The following RNF150 variants were observed in gnomAD, a reference collection of about 807,000 sequenced individuals.
RNF150 encodes the protein ring finger protein 150.
In RNF150, 24 loss-of-function variants were observed where a neutral mutation model predicts 39.3. That is an observed-to-expected ratio of 0.61 (90% CI 0.44 to 0.86). The LOEUF (loss-of-function observed/expected upper bound fraction) is 0.86, where lower values mean the gene tolerates loss of function less well. RNF150 is among the 40% of genes least tolerant of loss of function. RNF150 has a pLI of 0.00. For missense variants in RNF150, 502 were observed against 587.8 expected, an observed-to-expected ratio of 0.85 and a Z score of 1.51; for synonymous variants, 255 against 227.3, an observed-to-expected ratio of 1.12 and a Z score of -1.10.
rs554577644 is a variant in RNF150 at position 140,859,924 on chromosome 4, C to A, written c.*8337G>T. The A allele has an allele frequency of 1.3e-5, 2 of 151,902 alleles. No homozygotes were observed. Among genetic ancestry groups the A allele is most frequent in the Non-Finnish European group, 2.9e-5 (2 of 67,992 alleles). 9.4% of individuals were successfully genotyped at this position (151,902 alleles called of 1,614,324 possible). A position where few individuals can be genotyped will look rare whatever the true frequency, so the allele number is the denominator to read the frequency against. ...TGCAATATTTTTTTTTTAGCCAGTA[C>A]GTAAGAACACGATTGCACTTATTTA... On this transcript the variant is annotated 3_prime_UTR_variant, in exon 7 of 7. Coordinates refer to ENST00000515673, the MANE Select transcript of RNF150 (RefSeq NM_020724.2).
chr4:141,012,543 A>G (rs1444344485), intron 1 of RNF150, among the ~76,000 whole-genome samples: 1 of 152,004 alleles, frequency 6.6e-6, no homozygotes, highest in Non-Finnish European at 1.5e-5. Flanking sequence ...CATGCCTGTA[A>G]TCCCTTTGGA....
chr4:140,936,471 T>C (rs1731867204), intron 4 of RNF150, among the ~76,000 whole-genome samples: 1 of 152,192 alleles, frequency 6.6e-6, no homozygotes, highest in Non-Finnish European at 1.5e-5. Flanking sequence ...AAAATAGTTT[T>C]TATAAACTAT....
intron 6 of RNF150, among the ~76,000 whole-genome samples, chr4:140,894,011 A>G (rs1402427410): frequency 6.6e-6 from 1 of 152,166 alleles, no homozygotes; most frequent in Non-Finnish European, 1.5e-5. Context: ...TATTTCCTCC[A>G]CAAGCTGAAG....
intron 1 of RNF150, among the ~76,000 whole-genome samples, chr4:141,103,119 C>T (rs1739072890): frequency 6.6e-6 from 1 of 152,146 alleles, no homozygotes; most frequent in African/African-American, 2.4e-5. Flanking sequence ...ACTCATATTG[C>T]TCTAGATATT....
At chr4:140,962,497 TA>T (rs1733081257) in intron 2 of RNF150, among the ~76,000 whole-genome samples, 1 of 144,990 alleles carries the variant, frequency 6.9e-6, no homozygotes, top group Non-Finnish European at 1.5e-5. Flanking sequence ...CACACACACA[TA>T]TATATATATA....
chr4:141,156,596 TA>T (rs778965632), intron 1 of RNF150, among the ~76,000 whole-genome samples: 1 of 152,048 alleles, frequency 6.6e-6, no homozygotes, highest in South Asian at 2.1e-4. Context: ...TATATTTAAT[TA>T]AAAATATTTG....
At chr4:140,999,043 C>A (rs1165975750) in intron 1 of RNF150, among the ~76,000 whole-genome samples, 1 of 152,166 alleles carries the variant, frequency 6.6e-6, no homozygotes. Flanking sequence ...CTTCCTCACA[C>A]TCTGAGTTTT....
intron 1 of RNF150, among the ~76,000 whole-genome samples, chr4:141,139,706 CT>C (rs1481032500): frequency 2.0e-5 from 3 of 152,164 alleles, no homozygotes; most frequent in Non-Finnish European, 4.4e-5. Context: ...CATAGACTGT[CT>C]TAATTAATTC....
chr4:140,955,709 A>C (rs1197297683), intron 2 of RNF150, among the ~76,000 whole-genome samples: 1 of 152,138 alleles, frequency 6.6e-6, no homozygotes, highest in Non-Finnish European at 1.5e-5. Flanking sequence ...TTCAGGGACA[A>C]TTTTAGTCCT....
intron 5 of RNF150, among the ~76,000 whole-genome samples, chr4:140,921,037 T>C (rs1731106290): frequency 6.6e-6 from 1 of 151,220 alleles, no homozygotes; most frequent in Non-Finnish European, 1.5e-5. Context: ...GGGACTGTTG[T>C]GGCGTGGGAG....
intron 1 of RNF150, among the ~76,000 whole-genome samples, chr4:141,202,960 G>GT (rs948583422): frequency 2.6e-5 from 4 of 151,084 alleles, no homozygotes; most frequent in Non-Finnish European, 4.4e-5. Flanking sequence ...TAAAATTTAT[G>GT]TTTTTTGTGA....
In RNF150 at chr4:140,943,134, C is replaced by T. The variant is rs527760270; in HGVS notation, c.890+4520G>A. 2.0e-5 allele frequency among the ~76,000 whole-genome samples: 3 copies of T among 152,288 alleles called. No homozygotes were observed. The East Asian group carries it at 5.8e-4, about 29-fold the overall frequency. On this transcript the variant is annotated intron_variant, in intron 4 of 6. Transcript: ENST00000515673. ...CTTTGAAGAGTGAGTTTTATATAAG[C>T]ACCAACATCCCAGGGTCTTTGGTCA...
At chr4:141,062,400 C>T (rs1340479107) in intron 1 of RNF150, among the ~76,000 whole-genome samples, 4 of 151,984 alleles carry the variant, frequency 2.6e-5, no homozygotes, top group Admixed American at 6.6e-5. Flanking sequence ...CACACACACA[C>T]GCACATACAG....
chr4:141,070,542 AC>A (rs1355128503), intron 1 of RNF150, among the ~76,000 whole-genome samples: 6 of 150,350 alleles, frequency 4.0e-5, no homozygotes, highest in East Asian at 3.9e-4. Flanking sequence ...CAAGAAAAAA[AC>A]AAACAACCCC....
chr4:141,161,548 A>G (rs1727512852), intron 1 of RNF150, among the ~76,000 whole-genome samples: 1 of 152,244 alleles, frequency 6.6e-6, no homozygotes. Flanking sequence ...AAGGACAGCA[A>G]GTGCTGATAG....
chr4:140,945,354 T>C (rs993191499), intron 4 of RNF150, among the ~76,000 whole-genome samples: 7 of 151,874 alleles, frequency 4.6e-5, no homozygotes, highest in Admixed American at 4.6e-4. Context: ...GAATAACACA[T>C]CATGAAAGTC....
intron 1 of RNF150, among the ~76,000 whole-genome samples, chr4:141,115,003 A>G (rs1739504874): frequency 1.3e-5 from 2 of 152,216 alleles, no homozygotes; most frequent in Admixed American, 1.3e-4. Flanking sequence ...CAAAATAATA[A>G]GAGCTATTTA....
At chr4:140,924,206 G>A (rs558540989) in intron 5 of RNF150, among the ~76,000 whole-genome samples, 5 of 152,184 alleles carry the variant, frequency 3.3e-5, no homozygotes, top group East Asian at 1.9e-4. Flanking sequence ...AATCCTATCC[G>A]ACTTGTTAGG....
intron 1 of RNF150, among the ~76,000 whole-genome samples, chr4:140,985,637 A>G (rs895316224): frequency 1.3e-5 from 2 of 152,158 alleles, no homozygotes; most frequent in Non-Finnish European, 2.9e-5. Context: ...CCAAATTGAG[A>G]TGTGCTGAAG....
Sources: gnomAD v4.1 joint callset for allele counts (sites outside exome capture counted in the v4.1 genomes callset) on GRCh38, gnomAD v4.1.1 for gene constraint, MANE v1.5 for transcripts, NCBI Gene and HGNC (gene_info 2026-07-23, HGNC 2026-07-21) for gene names.